The following PPP2R5E variants were observed in gnomAD, a reference collection of about 807,000 sequenced individuals.
PPP2R5E encodes the protein protein phosphatase 2 regulatory subunit B'epsilon.
Under a neutral mutation model 65.3 loss-of-function variants are expected in PPP2R5E, and 4 were observed. The ratio of observed to expected loss-of-function variants is 0.06; its 90% confidence interval spans 0.03 to 0.14. PPP2R5E has a LOEUF of 0.14. Among genes scored for constraint, PPP2R5E ranks in the 10% least tolerant of loss-of-function variants. The pLI, the probability that PPP2R5E is intolerant of heterozygous loss-of-function variation, is 1.00. For missense variants in PPP2R5E, 274 were observed against 556.1 expected (o/e 0.49, Z 5.10); for synonymous variants, 183 against 187.4 (o/e 0.98, Z 0.19).
intron 10 of PPP2R5E, among the ~76,000 whole-genome samples, chr14:63,390,043 A>T (rs1343339341): frequency 1.3e-5 from 2 of 151,986 alleles, no homozygotes; most frequent in Non-Finnish European, 2.9e-5. Context: ...CTTCCTCTCT[A>T]TTATTAGTAA....
intron 12 of PPP2R5E, 67 bp downstream of exon 12, chr14:63,384,377 A>G: frequency 6.5e-7 from 1 of 1,546,990 alleles, no homozygotes; most frequent in Non-Finnish European, 8.9e-7. Context: ...CTGGCACATA[A>G]TAAGGCTGAA....
intron 7 of PPP2R5E, 78 bp downstream of exon 7, chr14:63,395,148 G>A (rs1343132744): frequency 8.6e-7 from 1 of 1,163,622 alleles, no homozygotes; most frequent in Non-Finnish European, 1.3e-6. Context: ...AACTAGGTGA[G>A]CATCTCTTGG....
chr14:63,474,338 G>A (rs1315958104), intron 2 of PPP2R5E, among the ~76,000 whole-genome samples: 1 of 152,158 alleles, frequency 6.6e-6, no homozygotes, highest in Non-Finnish European at 1.5e-5. Context: ...TGTCTGGTTT[G>A]AGCACCTGGG....
intron 2 of PPP2R5E, among the ~76,000 whole-genome samples, chr14:63,504,455 G>A (rs1039743607): frequency 3.3e-5 from 5 of 152,028 alleles, no homozygotes; most frequent in Non-Finnish European, 4.4e-5. Flanking sequence ...GGTGGCTCAC[G>A]CCTATAGTCC....
intron 2 of PPP2R5E, among the ~76,000 whole-genome samples, chr14:63,500,429 C>T (rs928951967): frequency 4.6e-5 from 7 of 152,096 alleles, no homozygotes; most frequent in African/African-American, 1.4e-4. Context: ...GACAGGAAAT[C>T]GTTTACATTG....
chr14:63,522,910 G>A (rs1190493125), intron 2 of PPP2R5E, among the ~76,000 whole-genome samples: 19 of 147,904 alleles, frequency 1.3e-4, no homozygotes, highest in African/African-American at 2.0e-4. Context: ...GAGGGAGGTC[G>A]GGGGGTCAGC....
chr14:63,383,271 T>A (rs995554657), intron 12 of PPP2R5E, among the ~76,000 whole-genome samples: 10 of 152,190 alleles, frequency 6.6e-5, no homozygotes, highest in African/African-American at 2.4e-4. Context: ...CTAATACCAC[T>A]GAAAAATGCA....
intron 3 of PPP2R5E, among the ~76,000 whole-genome samples, chr14:63,427,189 A>G (rs1319124350): frequency 6.6e-6 from 1 of 152,222 alleles, no homozygotes; most frequent in Non-Finnish European, 1.5e-5. Context: ...TTTTGTGAAG[A>G]GCCTATGCGG....
chr14:63,446,732 G>A (rs1419596672), intron 3 of PPP2R5E, among the ~76,000 whole-genome samples: 2 of 151,174 alleles, frequency 1.3e-5, no homozygotes, highest in African/African-American at 4.9e-5. Flanking sequence ...GGGAGGCTGA[G>A]GCAGAAGAAT....
At chr14:63,490,171 G>A (rs1231486872) in intron 2 of PPP2R5E, among the ~76,000 whole-genome samples, 2 of 151,950 alleles carry the variant, frequency 1.3e-5, no homozygotes, top group Admixed American at 6.6e-5. Flanking sequence ...TGAGCACTTG[G>A]GAAATATGAC....
At chr14:63,539,263 A>G (rs1893791323) in intron 2 of PPP2R5E, among the ~76,000 whole-genome samples, 1 of 152,184 alleles carries the variant, frequency 6.6e-6, no homozygotes, top group Admixed American at 6.5e-5. Context: ...CAGACATCTT[A>G]AAGTTTCTCT....
chr14:63,503,671 C>T (rs1278790927), intron 2 of PPP2R5E, among the ~76,000 whole-genome samples: 1 of 152,184 alleles, frequency 6.6e-6, no homozygotes, highest in Non-Finnish European at 1.5e-5. Context: ...TATCCTTCCC[C>T]AAAAGCACTT....
At chr14:63,541,863 T>C (rs1893916519) in intron 1 of PPP2R5E, among the ~76,000 whole-genome samples, 1 of 152,206 alleles carries the variant, frequency 6.6e-6, no homozygotes, top group Non-Finnish European at 1.5e-5. Flanking sequence ...AATTTAGCCT[T>C]AATATAATGT....
chr14:63,417,490 A>G (rs777104840), intron 4 of PPP2R5E, among the ~76,000 whole-genome samples: 1 of 76,376 alleles, frequency 1.3e-5, no homozygotes. Flanking sequence ...CATGAGGAGG[A>G]AAAAAAAAAA....
At chr14:63,488,293 G>C (rs1389871734) in intron 2 of PPP2R5E, among the ~76,000 whole-genome samples, 1 of 151,904 alleles carries the variant, frequency 6.6e-6, no homozygotes, top group Non-Finnish European at 1.5e-5. Flanking sequence ...AAAATCCTTG[G>C]TCCAAGCAAT....
chr14:63,521,688 T>A (rs1029892904), intron 2 of PPP2R5E, among the ~76,000 whole-genome samples: 1 of 152,110 alleles, frequency 6.6e-6, no homozygotes, highest in Non-Finnish European at 1.5e-5. Context: ...GTTAGTTGTA[T>A]CAGTTGTAGG....
At chr14:63,431,501 TCTC>T (rs1887670445) in intron 3 of PPP2R5E, among the ~76,000 whole-genome samples, 1 of 152,174 alleles carries the variant, frequency 6.6e-6, no homozygotes, top group Admixed American at 6.5e-5. Flanking sequence ...GTCAAAACAA[TCTC>T]CTCAATATCC....
chr14:63,485,209 A>C (rs1890919573), intron 2 of PPP2R5E, among the ~76,000 whole-genome samples: 1 of 152,002 alleles, frequency 6.6e-6, no homozygotes, highest in African/African-American at 2.4e-5. Context: ...AAAAAAAAAA[A>C]AAAAAAACAT....
chr14:63,463,847 C>T (rs1889634313), intron 2 of PPP2R5E, among the ~76,000 whole-genome samples: 1 of 152,102 alleles, frequency 6.6e-6, no homozygotes, highest in Non-Finnish European at 1.5e-5. Flanking sequence ...CCGCCTGCCT[C>T]GGCCTCCCAA....
Sources: allele counts gnomAD v4.1 joint callset (sites outside exome capture counted in the v4.1 genomes callset), GRCh38; gene constraint gnomAD v4.1.1; transcripts MANE v1.5; gene names NCBI Gene and HGNC (gene_info 2026-07-23, HGNC 2026-07-21).